The following RNF111 variants were observed in gnomAD, a reference collection of about 807,000 sequenced individuals.
RNF111 encodes the protein E3 ubiquitin-protein ligase Arkadia.
In RNF111, 17 loss-of-function variants were observed where a neutral mutation model predicts 95.1. The ratio of observed to expected loss-of-function variants is 0.18; its 90% CI spans 0.12 to 0.27. The LOEUF is 0.27. RNF111 is among the 10% of genes least tolerant of loss of function. The pLI is 1.00. For synonymous variants in RNF111, 440 were observed against 414.8 expected (o/e 1.06, Z -0.74); for missense variants, 1,189 against 1,210.4 (o/e 0.98, Z 0.26).
At chr15:59,065,811 GA>G in intron 5 of RNF111, among the ~76,000 whole-genome samples, 1 of 152,116 alleles carries the variant, frequency 6.6e-6, no homozygotes, top group African/African-American at 2.4e-5. Context: ...AGGAGCTTAA[GA>G]CCAGCCTGGG....
At chr15:59,044,673 C>G (rs2041625085) in intron 2 of RNF111, among the ~76,000 whole-genome samples, 1 of 151,814 alleles carries the variant, frequency 6.6e-6, no homozygotes, top group Non-Finnish European at 1.5e-5. Context: ...CTGTCTTAGC[C>G]ATACTCGTTT....
chr15:59,088,475 CTTAT>C (rs1297462641), intron 10 of RNF111, among the ~76,000 whole-genome samples: 10 of 152,134 alleles, frequency 6.6e-5, no homozygotes, highest in Admixed American at 5.9e-4. Context: ...AAAGTTATTG[CTTAT>C]TTAAATTCTT....
rs60350601 is a variant in RNF111, at chr15:58,996,649, C to CTTTTTT, written c.-20+8605_-20+8610dup. On this transcript the variant is annotated intron_variant, in intron 1 of 13. Transcript: ENST00000348370. ...GTGATTGAAAACTCATCAGTACTTT[C>CTTTTTT]TTTTTTTTTTTTTTTTTTTTTTTTT... 8.3e-4 allele frequency among the ~76,000 whole-genome samples: 84 copies of CTTTTTT among 100,750 alleles called. 3 individuals carry two copies. The highest frequency in any genetic ancestry group is 2.2e-3 in the African/African-American group (57 of 25,630). 66.1% of individuals were successfully genotyped at this position (100,750 alleles called of 152,430 possible). A position where few individuals can be genotyped will look rare whatever the true frequency, so the allele number is the denominator to read the frequency against.
At chr15:59,070,545 G>A (rs374489118) in intron 6 of RNF111, among the ~76,000 whole-genome samples, 1 of 152,092 alleles carries the variant, frequency 6.6e-6, no homozygotes, top group Non-Finnish European at 1.5e-5. Flanking sequence ...TTCTTAAACC[G>A]TATTTACCTG....
chr15:59,058,448 G>C lies in RNF111; in HGVS notation c.1264G>C (p.Ala422Pro), dbSNP rs778456265. ...TTCAAATCCATCTACCTCTGAGCAG[G>C]CCTCTGATACTGCTTCAGCTGTCAC... ...NNSNPSTSEQ[A>P]SDTASAVTSS... is the part of the protein sequence containing the mutation. Residue 422 changes from alanine to proline, a missense_variant, in exon 5 of 14, where the codon GCC (alanine) becomes CCC (proline). Physicochemically the swap from Ala to Pro is conservative, Grantham distance 27 (BLOSUM62 -1). This residue lies in a region of RNF111 where 1,024 missense variants were observed against 925.9 expected (regional missense o/e 1.11). Coordinates refer to ENST00000348370, the MANE Select transcript of RNF111 (RefSeq NM_017610.8). The C allele has an allele frequency of 6.2e-7, 1 of 1,613,998 alleles. No homozygotes were observed. Among genetic ancestry groups the C allele is most frequent in the South Asian group, 1.1e-5 (1 of 91,078 alleles).
chr15:59,088,593 A>G (rs1566945572), intron 10 of RNF111, among the ~76,000 whole-genome samples: 1 of 152,238 alleles, frequency 6.6e-6, no homozygotes, highest in Non-Finnish European at 1.5e-5. Flanking sequence ...ATTTATAAAG[A>G]TGGAAGAATG....
At chr15:59,078,124 T>G (rs1353693635) in intron 7 of RNF111, among the ~76,000 whole-genome samples, 4 of 152,226 alleles carry the variant, frequency 2.6e-5, no homozygotes, top group Admixed American at 2.0e-4. Flanking sequence ...ATAAGTTATT[T>G]AATCTCTCTG....
chr15:59,045,535 T>A (rs1399443070), intron 2 of RNF111, among the ~76,000 whole-genome samples: 1 of 152,158 alleles, frequency 6.6e-6, no homozygotes, highest in Non-Finnish European at 1.5e-5. Flanking sequence ...AAATTTTGTA[T>A]ACAGATAAAT....
chr15:59,061,311 G>A lies in RNF111; in HGVS notation c.1366+2761G>A, dbSNP rs559697936. 3.9e-5 allele frequency among the ~76,000 whole-genome samples: 6 copies of A among 152,092 alleles called. No individual in the cohort carries two copies. The South Asian group carries it at 6.2e-4, about 16-fold the overall frequency. Reference sequence around the variant, plus strand: ...AGTTCAACTATGTTCTCCACAACCCGTCCTTATCTTGTACCTTTTTGAATA... The same window carrying A: ...AGTTCAACTATGTTCTCCACAACCCATCCTTATCTTGTACCTTTTTGAATA... On this transcript the variant is annotated intron_variant, in intron 5 of 13. Transcript: ENST00000348370.
intron 10 of RNF111, among the ~76,000 whole-genome samples, chr15:59,088,894 A>G (rs994457049): frequency 6.6e-6 from 1 of 152,196 alleles, no homozygotes; most frequent in Non-Finnish European, 1.5e-5. Flanking sequence ...TAGGAACACT[A>G]GACAGCACTT....
chr15:59,052,561 A>C lies in RNF111; in HGVS notation c.1007+130A>C, dbSNP rs562879108. On this transcript the variant is annotated intron_variant, in intron 3 of 13. Transcript: ENST00000348370. ...CCCAGTTTGAGTATGCATATATCAG[A>C]TTAGTGGATTTTTTTTTTTTTTTTT... 1.7e-5 allele frequency: 7 copies of C among 405,686 alleles called. No individual in the cohort carries two copies. In the East Asian group the frequency reaches 2.3e-4, roughly 13 times the overall value. 25.1% of individuals were successfully genotyped at this position (405,686 alleles called of 1,614,324 possible). A position where few individuals can be genotyped will look rare whatever the true frequency, so the allele number is the denominator to read the frequency against.
chr15:59,039,205 C>T (rs1282048095), intron 2 of RNF111, among the ~76,000 whole-genome samples: 1 of 152,178 alleles, frequency 6.6e-6, no homozygotes, highest in African/African-American at 2.4e-5. Flanking sequence ...CTCAGGTCAT[C>T]TGCCCGCCTT....
chr15:59,054,323 A>G (rs926336800), intron 3 of RNF111, among the ~76,000 whole-genome samples: 3 of 152,182 alleles, frequency 2.0e-5, no homozygotes, highest in Non-Finnish European at 4.4e-5. Flanking sequence ...AGTGGCCACT[A>G]ATACCTCCTT....
intron 1 of RNF111, among the ~76,000 whole-genome samples, chr15:59,016,176 T>TAG (rs2040057848): frequency 7.2e-6 from 1 of 138,996 alleles, no homozygotes; most frequent in Non-Finnish European, 1.6e-5. Context: ...ATATATATAG[T>TAG]TTTTTTTTTT....
chr15:59,074,276 T>G (rs912875321), intron 6 of RNF111, among the ~76,000 whole-genome samples: 1 of 152,214 alleles, frequency 6.6e-6, no homozygotes, highest in Non-Finnish European at 1.5e-5. Flanking sequence ...AATCATCCAG[T>G]CCTTGGAAAC....
At chr15:59,062,134 C>G (rs550569949) in intron 5 of RNF111, among the ~76,000 whole-genome samples, 50 of 150,298 alleles carry the variant, frequency 3.3e-4, no homozygotes, top group Admixed American at 7.4e-4. Context: ...GCCTCCACTT[C>G]CAGGCTTAAG....
intron 2 of RNF111, among the ~76,000 whole-genome samples, chr15:59,035,977 G>C (rs1230180551): frequency 1.3e-5 from 2 of 152,158 alleles, no homozygotes; most frequent in African/African-American, 4.8e-5. Context: ...TATCTTTACA[G>C]AATCACCCCA....
chr15:59,024,274 TTTAC>T (rs1302652961), intron 1 of RNF111, among the ~76,000 whole-genome samples: 1 of 152,202 alleles, frequency 6.6e-6, no homozygotes, highest in African/African-American at 2.4e-5. Context: ...GCAGTTGTGT[TTTAC>T]TTCCTTCCTT....
chr15:59,076,365 A>T (rs1244990313), intron 7 of RNF111, 150 bp downstream of exon 7: 5 of 873,878 alleles, frequency 5.7e-6, no homozygotes, highest in African/African-American at 3.4e-5. Flanking sequence ...TGTTAGTATT[A>T]TGTAATTGAG....
Sources: allele counts gnomAD v4.1 joint callset (sites outside exome capture counted in the v4.1 genomes callset), GRCh38; gene constraint gnomAD v4.1.1; regional missense constraint gnomAD v4.1.1; transcripts MANE v1.5; gene names NCBI Gene and HGNC (gene_info 2026-07-23, HGNC 2026-07-21).